The following CDON variants were observed in gnomAD, a reference collection of about 807,000 sequenced individuals.
The protein encoded by CDON is cell adhesion associated, oncogene regulated.
A neutral mutation model predicts 120.9 loss-of-function variants in CDON; 73 were observed. The observed-to-expected ratio is 0.60, with a 90% confidence interval of 0.50 to 0.73. The LOEUF is 0.73. Among genes scored for constraint, CDON ranks in the 30% least tolerant of loss-of-function variants. The pLI is 0.00. For synonymous variants in CDON, 566 were observed against 573.5 expected, an observed-to-expected ratio of 0.99 and a Z score of 0.19; for missense variants, 1,470 against 1,587.3, an observed-to-expected ratio of 0.93 and a Z score of 1.26.
In CDON at chr11:125,978,094, G is replaced by T. The variant is rs76288754; in HGVS notation, c.3356+210C>A. On this transcript the variant is annotated intron_variant, in intron 18 of 19. Coordinates refer to ENST00000531738, the MANE Select transcript of CDON (RefSeq NM_001378964.1). ...CAGTGACAAATAGAGCCTTTAAGAT[G>T]GTTTCTATATAGCTGAAGAAACCGA... Among the ~76,000 whole-genome samples the T allele has an allele frequency of 0.025, 3,820 of 152,112 alleles. 159 individuals carry two copies. The highest frequency in any genetic ancestry group is 0.084 in the African/African-American group (3,502 of 41,502).
rs936033622 is a variant in CDON, at chr11:125,985,422, C to T, written c.2774-1329G>A. ...AAACTCCTGATGACCTCAAGTGATC[C>T]GCCCGCCTTGGCCTCTCAAAGTGCT... On this transcript the variant is annotated intron_variant, in intron 15 of 19. Transcript: ENST00000531738. 4.6e-5 allele frequency among the ~76,000 whole-genome samples: 7 copies of T among 152,170 alleles called. No individual in the cohort carries two copies. In the East Asian group the frequency reaches 7.7e-4, roughly 17 times the overall value.
chr11:125,996,895 C>T (rs1946803183), intron 12 of CDON, among the ~76,000 whole-genome samples: 1 of 151,182 alleles, frequency 6.6e-6, no homozygotes, highest in Non-Finnish European at 1.5e-5. Flanking sequence ...ATGCATCTGC[C>T]AGGTGCTATG....
rs2134587836 is a variant in CDON, at chr11:126,004,071, A to G, written c.1857T>C (p.Asp619=). 6.2e-7 allele frequency: 1 copy of G among 1,613,898 alleles called. No homozygotes were observed. The highest frequency in any genetic ancestry group is 8.5e-7 in the Non-Finnish European group (1 of 1,179,978). The change falls in exon 10 of 20, where the codon GAT becomes GAC. Residue 619 remains aspartate, a synonymous_variant. Coordinates refer to ENST00000531738, the MANE Select transcript of CDON (RefSeq NM_001378964.1). ...NAYFVKYRKL[D]DGVGMLGSWH... ...AGCTTCCCAGCATGCCAACCCCATC[A>G]TCCAGCTGCCCAAGAGAAAACACAC...
chr11:126,052,750 G>A (rs1948593957), intron 1 of CDON, among the ~76,000 whole-genome samples: 1 of 151,428 alleles, frequency 6.6e-6, no homozygotes, highest in South Asian at 2.1e-4. Context: ...TTGAACCTGG[G>A]AGGCGGAGGT....
intron 1 of CDON, among the ~76,000 whole-genome samples, chr11:126,047,988 T>C (rs955690869): frequency 6.6e-6 from 1 of 152,166 alleles, no homozygotes; most frequent in Non-Finnish European, 1.5e-5. Flanking sequence ...AATCAAGAAA[T>C]GGTCTTCAGC....
rs11821182 is a variant in CDON, at chr11:125,961,255, G to A, written c.3632-150C>T. ...TTGTGTGTGGTTTGAATTTGAGGGC[G>A]ACAGAAGGTTTAAAAGGTTTAAAAT... On this transcript the variant is annotated intron_variant, in intron 19 of 19. Coordinates refer to ENST00000531738, the MANE Select transcript of CDON (RefSeq NM_001378964.1). 5,146 of 755,674 alleles carry A rather than the reference G, an allele frequency of 6.8e-3. 201 individuals carry two copies. In the African/African-American group the frequency reaches 0.079, roughly 12 times the overall value. 46.8% of individuals were successfully genotyped at this position (755,674 alleles called of 1,614,324 possible).
intron 1 of CDON, among the ~76,000 whole-genome samples, chr11:126,048,282 C>CAAAAAAA (rs1239820423): frequency 8.8e-4 from 105 of 119,452 alleles, no homozygotes; most frequent in Middle Eastern, 4.8e-3. Flanking sequence ...GACTCTGTCT[C>CAAAAAAA]AAAAAAAAAA....
Position 126,059,486 on chromosome 11 carries a change from C to A in CDON, c.-62+3093G>T, listed in dbSNP as rs568243419. ...CCTTCCCTCCACCCCCTCAACCCCCCCTGCCCGCATCCCCCCAATCCCCGC... is the reference window on the plus strand; with the variant it reads ...CCTTCCCTCCACCCCCTCAACCCCCACTGCCCGCATCCCCCCAATCCCCGC... On this transcript the variant is annotated intron_variant, in intron 1 of 19. Coordinates refer to ENST00000531738, the MANE Select transcript of CDON (RefSeq NM_001378964.1). Among the ~76,000 whole-genome samples the A allele has an allele frequency of 7.7e-4, 116 of 151,318 alleles. 2 individuals carry two copies. The highest frequency in any genetic ancestry group is 2.7e-3 in the African/African-American group (113 of 41,134).
chr11:126,040,672 G>A (rs906432352), intron 1 of CDON, among the ~76,000 whole-genome samples: 9 of 151,242 alleles, frequency 6.0e-5, no homozygotes, highest in South Asian at 2.1e-4. Flanking sequence ...AAAATTATCC[G>A]GGCCTGGTGG....
At chr11:126,060,437 C>A (rs527606066) in intron 1 of CDON, among the ~76,000 whole-genome samples, 1 of 152,072 alleles carries the variant, frequency 6.6e-6, no homozygotes, top group Non-Finnish European at 1.5e-5. Context: ...CATTTTTCAA[C>A]TCATTATTTA....
chr11:125,987,904 C>T (rs1255001821), intron 15 of CDON, among the ~76,000 whole-genome samples: 2 of 152,184 alleles, frequency 1.3e-5, no homozygotes, highest in Non-Finnish European at 2.9e-5. Context: ...CAGAAACACA[C>T]ATGGTTTAGA....
intron 5 of CDON, among the ~76,000 whole-genome samples, chr11:126,017,907 CTTTTTTT>C (rs950920338): frequency 6.7e-6 from 1 of 148,720 alleles, no homozygotes; most frequent in African/African-American, 2.5e-5. Flanking sequence ...CATGTATTTA[CTTTTTTT>C]TTTAAGACAG....
chr11:126,021,688 T>C (rs1947643222), intron 2 of CDON, among the ~76,000 whole-genome samples, 168 bp from the exon 3 acceptor site: 1 of 152,232 alleles, frequency 6.6e-6, no homozygotes, highest in East Asian at 1.9e-4. Context: ...AAAATTCTTA[T>C]AAGCCTATTT....
At chr11:126,058,336 C>T (rs561401497) in intron 1 of CDON, among the ~76,000 whole-genome samples, 1 of 152,064 alleles carries the variant, frequency 6.6e-6, no homozygotes, top group Admixed American at 6.6e-5. Context: ...CAAAATATAC[C>T]GCACAGCAAA....
intron 18 of CDON, among the ~76,000 whole-genome samples, chr11:125,971,218 C>T (rs1209584508): frequency 6.6e-6 from 1 of 151,914 alleles, no homozygotes; most frequent in African/African-American, 2.4e-5. Context: ...CCCATCTCTA[C>T]TAAAAACATA....
At chr11:126,045,919 A>T (rs1948395156) in intron 1 of CDON, among the ~76,000 whole-genome samples, 1 of 152,144 alleles carries the variant, frequency 6.6e-6, no homozygotes, top group Non-Finnish European at 1.5e-5. Flanking sequence ...GCGGTGAGCC[A>T]GGATCACGCC....
At chr11:126,042,610 TTTTA>T (rs1339840222) in intron 1 of CDON, among the ~76,000 whole-genome samples, 5 of 152,168 alleles carry the variant, frequency 3.3e-5, no homozygotes, top group African/African-American at 9.7e-5. Flanking sequence ...GGTTCAAAGA[TTTTA>T]TTTATTTACT....
intron 16 of CDON, among the ~76,000 whole-genome samples, chr11:125,982,673 A>G (rs980287578): frequency 3.3e-5 from 5 of 152,186 alleles, no homozygotes; most frequent in African/African-American, 1.2e-4. Flanking sequence ...CTGAATGAAC[A>G]CCACCATGAG....
At chr11:125,988,988 C>T (rs892016082) in intron 15 of CDON, among the ~76,000 whole-genome samples, 9 of 151,694 alleles carry the variant, frequency 5.9e-5, no homozygotes, top group African/African-American at 1.7e-4. Context: ...TAAAGAAAAA[C>T]GGAAGGGTTC....
Sources: gnomAD v4.1 joint callset for allele counts (sites outside exome capture counted in the v4.1 genomes callset) on GRCh38, gnomAD v4.1.1 for gene constraint, MANE v1.5 for transcripts, NCBI Gene and HGNC (gene_info 2026-07-23, HGNC 2026-07-21) for gene names.